Variants in ZNF518A observed in about 807,000 individuals in gnomAD.
ZNF518A encodes zinc finger protein 518.
ZNF518A carries 47 observed loss-of-function variants against 102.7 expected under a neutral mutation model. The ratio of observed to expected loss-of-function variants is 0.46; its 90% CI spans 0.36 to 0.58. The LOEUF is 0.58. ZNF518A is among the 20% of genes least tolerant of loss of function. ZNF518A has a pLI of 0.00. For missense variants in ZNF518A, 1,793 were observed against 1,699.8 expected (o/e 1.05, Z -0.96); for synonymous variants, 652 against 594.6 (o/e 1.10, Z -1.40).
At chr10:96,191,293 G>A in intron 1 of ZNF518A, among the ~76,000 whole-genome samples, 1 of 146,746 alleles carries the variant, frequency 6.8e-6, no homozygotes, top group East Asian at 2.0e-4. Context: ...TTTATTAGCA[G>A]CGTGATAATG....
chr10:96,193,869 T>A (rs1282339896), intron 1 of ZNF518A, among the ~76,000 whole-genome samples: 2 of 152,220 alleles, frequency 1.3e-5, no homozygotes, highest in African/African-American at 4.8e-5. Context: ...ATGATTGACA[T>A]CATGTAACCA....
rs375697043 is a variant in ZNF518A at position 96,200,189 on chromosome 10, G to T, written n.36-3385G>T. 73 of 1,590,176 alleles carry T rather than the reference G, an allele frequency of 4.6e-5. 1 individual carries two copies. The highest frequency in any genetic ancestry group is 5.5e-5 in the Non-Finnish European group (64 of 1,158,786). ...AAATGGAGGGCACTGGTCAGCATGG[G>T]ATGGTCCCTACTTAACTCTAATTTC... On this transcript the variant is annotated intron_variant and non_coding_transcript_variant, in intron 1 of 2. Coordinates refer to the ZNF518A transcript ENST00000442635. This position sits in a 1 kb window ranked among gnomAD's most constrained non-coding sequence, Gnocchi z 4.3.
chr10:96,181,616 T>C (rs1362019895), intron 1 of ZNF518A, among the ~76,000 whole-genome samples: 1 of 152,224 alleles, frequency 6.6e-6, no homozygotes, highest in African/African-American at 2.4e-5. Context: ...CCCCATTTCT[T>C]GTTTTTGTCA....
intron 3 of ZNF518A, among the ~76,000 whole-genome samples, chr10:96,137,418 C>T (rs988102116): frequency 2.6e-5 from 4 of 152,202 alleles, no homozygotes; most frequent in African/African-American, 7.2e-5. Context: ...TCACTACTTC[C>T]TCTCTTCCCA....
chr10:96,161,025 T>C lies in ZNF518A; in HGVS notation c.*251T>C, dbSNP rs2082979508. 2.7e-6 allele frequency: 1 copy of C among 372,398 alleles called. No homozygotes were observed. The allele number at this position is 372,398 out of a possible 1,614,324, so 23.1% of individuals were successfully genotyped here. On this transcript the variant is annotated 3_prime_UTR_variant, in exon 6 of 6. Transcript: ENST00000316045. ...ACCTTGATTTAATTTTTTAAACGTG[T>C]TCTCGGGAAGTTAGGGCTAAAGAAA...
chr10:96,133,685 T>C (rs1340397242), intron 3 of ZNF518A, 37 bp downstream of exon 3: 1 of 152,204 alleles, frequency 6.6e-6, no homozygotes, highest in Non-Finnish European at 1.5e-5. Context: ...AAATTAGGAA[T>C]AAGATTATTT....
chr10:96,192,236 A>C, intron 1 of ZNF518A: 1 of 1,178,616 alleles, frequency 8.5e-7, no homozygotes, highest in Non-Finnish European at 1.2e-6. Flanking sequence ...TAGTTTAACA[A>C]AGGCTGTAAC....
At chr10:96,201,900 A>G (rs1156705385) in intron 1 of ZNF518A, among the ~76,000 whole-genome samples, 1 of 152,192 alleles carries the variant, frequency 6.6e-6, no homozygotes, top group Admixed American at 6.5e-5. Flanking sequence ...AGTAAAAAAT[A>G]TATATATAAT....
rs587764179 is a variant in ZNF518A at position 96,199,805 on chromosome 10, A to G, written n.36-3769A>G. On this transcript the variant is annotated intron_variant and non_coding_transcript_variant, in intron 1 of 2. Coordinates refer to the ZNF518A transcript ENST00000442635. The stretch of plus-strand genomic sequence containing the variant: ...GAGGCCAAGGCCGCCAGGCAGATCA[A>G]CTGAGGTCAGGAGTTCGAGAGCAGC... Among the ~76,000 whole-genome samples, 23 of 152,170 alleles carry G rather than the reference A, an allele frequency of 1.5e-4. No individual in the cohort carries two copies. In the East Asian group the frequency reaches 3.5e-3, roughly 23 times the overall value.
chr10:96,195,635 G>T (rs1259399359), intron 1 of ZNF518A, among the ~76,000 whole-genome samples: 1 of 152,194 alleles, frequency 6.6e-6, no homozygotes, highest in African/African-American at 2.4e-5. Context: ...GAACGTGGTT[G>T]CTAGGGGCTG....
intron 1 of ZNF518A, among the ~76,000 whole-genome samples, chr10:96,181,918 TAC>T: frequency 6.6e-6 from 1 of 152,342 alleles, no homozygotes; most frequent in Admixed American, 6.5e-5. Context: ...ATCTATAAAT[TAC>T]CTTGGGTAGT....
intron 1 of ZNF518A, among the ~76,000 whole-genome samples, chr10:96,172,781 A>T (rs1444451220): frequency 6.6e-6 from 1 of 152,172 alleles, no homozygotes. Context: ...AATGAAACCT[A>T]TAAAAAACAA....
chr10:96,163,944 A>G (rs1297331031), downstream of ZNF518A, among the ~76,000 whole-genome samples: 2 of 152,192 alleles, frequency 1.3e-5, no homozygotes, highest in East Asian at 3.9e-4. Flanking sequence ...AGTTTCTAGT[A>G]TAGATGTATT....
chr10:96,130,973 A>T (rs1181241962), intron 1 of ZNF518A, among the ~76,000 whole-genome samples: 12 of 152,326 alleles, frequency 7.9e-5, no homozygotes, highest in African/African-American at 2.9e-4. Context: ...GATCAAACAG[A>T]TGTAGCTTTA....
intron 1 of ZNF518A, 108 bp from the exon 2 acceptor site, chr10:96,132,478 G>GTTTTTTTTTTTTT (rs377722008): frequency 7.7e-6 from 1 of 130,666 alleles, no homozygotes. Context: ...TTTTTTCTTA[G>GTTTTTTTTTTTTT]TTTTTTTTTT....
chr10:96,149,456 C>G (rs1297298305), intron 3 of ZNF518A, among the ~76,000 whole-genome samples: 1 of 152,188 alleles, frequency 6.6e-6, no homozygotes, highest in African/African-American at 2.4e-5. Flanking sequence ...CTCTAGACTT[C>G]TGTAGTGGGG....
At position 96,130,735 on chromosome 10, in the gene ZNF518A, C is replaced by G. The variant is rs1490374579; in HGVS notation, c.-470C>G. ...CCTGCTCCCTGACGCGCTCGCTCTT[C>G]TCCAGAGTTGGCCAAAGGTGCTCTT... On this transcript the variant is annotated 5_prime_UTR_variant, in exon 1 of 6. Coordinates refer to ENST00000316045, the MANE Select transcript of ZNF518A (RefSeq NM_001330736.2). 6.6e-6 allele frequency: 1 copy of G among 152,538 alleles called. No individual in the cohort carries two copies. The highest frequency in any genetic ancestry group is 2.4e-5 in the African/African-American group (1 of 41,600). The allele number at this position is 152,538 out of a possible 1,614,324, so 9.4% of individuals were successfully genotyped here.
downstream of ZNF518A, chr10:96,204,229 A>G (rs2133964374): frequency 1.1e-6 from 1 of 949,658 alleles, no homozygotes; most frequent in South Asian, 1.5e-5. Flanking sequence ...TCTAAAGATA[A>G]AAGAGCCACC....
At chr10:96,189,952 C>G in intron 1 of ZNF518A, 3 of 923,680 alleles carry the variant, frequency 3.2e-6, no homozygotes, top group Non-Finnish European at 5.3e-6. Flanking sequence ...TTTCAAAGAC[C>G]CCAAGGGAAA....
Sources: allele counts gnomAD v4.1 joint callset (sites outside exome capture counted in the v4.1 genomes callset), GRCh38; gene constraint gnomAD v4.1.1; non-coding constraint Gnocchi (gnomAD v3.1); transcripts MANE v1.5; gene names NCBI Gene and HGNC (gene_info 2026-07-23, HGNC 2026-07-21).